The following UNC13A variants were observed in gnomAD, a reference collection of about 807,000 sequenced individuals.
The protein encoded by UNC13A is unc-13 homolog A, also known as protein unc-13 homolog A.
A neutral mutation model predicts 219.7 loss-of-function variants in UNC13A; 61 were observed. That is an observed-to-expected ratio of 0.28 (90% CI 0.23 to 0.34). UNC13A has a LOEUF of 0.34. Among genes scored for constraint, UNC13A ranks in the 10% least tolerant of loss-of-function variants. UNC13A has a pLI of 1.00. For synonymous variants in UNC13A, 920 were observed against 884.6 expected, an observed-to-expected ratio of 1.04 and a Z score of -0.71; for missense variants, 1,476 against 2,270.3, an observed-to-expected ratio of 0.65 and a Z score of 7.11.
At chr19:17,617,667 A>C (rs746758573) in intron 41 of UNC13A, 35 bp downstream of exon 41, 2 of 1,604,014 alleles carry the variant, frequency 1.2e-6, no homozygotes, top group Admixed American at 3.3e-5. Flanking sequence ...GTCTCCGCGG[A>C]GCGGGAAAGG....
intron 38 of UNC13A, among the ~76,000 whole-genome samples, chr19:17,620,153 G>C (rs956075250): frequency 3.3e-5 from 5 of 152,150 alleles, no homozygotes; most frequent in African/African-American, 1.2e-4. Flanking sequence ...GGCTAACAGG[G>C]ATACCCATGG....
At chr19:17,645,611 T>A in intron 19 of UNC13A, 63 bp downstream of exon 19, 1 of 1,599,348 alleles carries the variant, frequency 6.3e-7, no homozygotes, top group South Asian at 1.1e-5. Context: ...CTTCGTGGGC[T>A]CCATGCTCTG....
intron 7 of UNC13A, among the ~76,000 whole-genome samples, chr19:17,666,135 T>C (rs374102464): frequency 0.29 from 37,866 of 130,152 alleles, 5,914 homozygotes; most frequent in South Asian, 0.44. Context: ...TCTTTCTTTT[T>C]CTTTCTTTCT....
At chr19:17,646,905 C>T (rs1247974332) in intron 17 of UNC13A, among the ~76,000 whole-genome samples, 5 of 152,012 alleles carry the variant, frequency 3.3e-5, no homozygotes, top group Non-Finnish European at 7.4e-5. Flanking sequence ...CCCTTGCCCA[C>T]AGCATTGTCT....
intron 7 of UNC13A, among the ~76,000 whole-genome samples, chr19:17,666,361 C>T (rs1406785268): frequency 6.7e-6 from 1 of 148,482 alleles, no homozygotes; most frequent in Non-Finnish European, 1.5e-5. Context: ...TACAGGCACC[C>T]ACCACCATGC....
At position 17,680,723 on chromosome 19, in the gene UNC13A, T is replaced by C. The variant is rs550718584; in HGVS notation, c.23-4682A>G. Among the ~76,000 whole-genome samples, 110 of 152,048 alleles carry C rather than the reference T, an allele frequency of 7.2e-4. 1 individual carries two copies. The highest frequency in any genetic ancestry group is 2.4e-3 in the African/African-American group (99 of 41,514). ...CCTCACCCCTTCTGCAGAATGATTA[T>C]AGTGTCATTTATACTATTATTATTA... On this transcript the variant is annotated intron_variant, in intron 1 of 43. Transcript: ENST00000519716.
Position 17,606,096 on chromosome 19 carries a change from G to C in UNC13A, c.5070C>G (p.Asp1690Glu). Residue 1690 changes from aspartate (D) to glutamate (E), a missense_variant, in exon 44 of 44, where the codon GAC (aspartate) becomes GAG (glutamate). Coordinates refer to ENST00000519716, the MANE Select transcript of UNC13A (RefSeq NM_001080421.3). ...CACCGCCCTCCTCGGCGGAGCGCGTGTCCGACTTGAGCTTCACGAACTCCT... is the reference window on the plus strand; with the variant it reads ...CACCGCCCTCCTCGGCGGAGCGCGTCTCCGACTTGAGCTTCACGAACTCCT... ...VAKEFVKLKS[D>E]TRSAEEGGAA... 2 of 1,592,748 alleles carry C rather than the reference G, an allele frequency of 1.3e-6. No individual in the cohort carries two copies. Among genetic ancestry groups the C allele is most frequent in the South Asian group, 2.3e-5 (2 of 88,716 alleles).
intron 41 of UNC13A, among the ~76,000 whole-genome samples, chr19:17,615,279 T>A (rs2076650848): frequency 1.3e-5 from 2 of 151,576 alleles, no homozygotes; most frequent in South Asian, 4.2e-4. Flanking sequence ...AGGCCAGGAG[T>A]TCGAGACCAG....
chr19:17,672,346 C>T lies in UNC13A; in HGVS notation c.270+32G>A, dbSNP rs1016033130. On this transcript the variant is annotated intron_variant, in intron 4 of 43. Coordinates refer to ENST00000519716, the MANE Select transcript of UNC13A (RefSeq NM_001080421.3). ...CTCTGGGCTTCTGCAAGGCACTCCT[C>T]CTTCTTCACCCTCAGGCCACCCGCC... The T allele has an allele frequency of 5.0e-6, 8 of 1,587,398 alleles. No homozygotes were observed. In the African/African-American group the frequency reaches 1.1e-4, roughly 21 times the overall value.
chr19:17,633,485 T>C (rs1379403792), intron 26 of UNC13A, among the ~76,000 whole-genome samples: 1 of 152,094 alleles, frequency 6.6e-6, no homozygotes, highest in Non-Finnish European at 1.5e-5. Context: ...CATCCTTCCA[T>C]CCATTCATTC....
intron 2 of UNC13A, among the ~76,000 whole-genome samples, chr19:17,675,492 C>T (rs934527434): frequency 4.6e-5 from 7 of 150,678 alleles, no homozygotes; most frequent in African/African-American, 1.2e-4. Flanking sequence ...ATTAGCCGGG[C>T]GTGGTAGAGG....
intron 25 of UNC13A, 115 bp from the exon 26 acceptor site, chr19:17,636,272 G>A (rs2076912640): frequency 7.8e-7 from 1 of 1,276,772 alleles, no homozygotes; most frequent in Non-Finnish European, 1.0e-6. Context: ...TCATGTGTAT[G>A]GTTCAGGTAA....
At chr19:17,646,944 T>G (rs12986009) in intron 17 of UNC13A, among the ~76,000 whole-genome samples, 85,562 of 152,014 alleles carry the variant, frequency 0.56, 24,476 homozygotes, top group Middle Eastern at 0.64. Flanking sequence ...CAGGACTCCT[T>G]CCATCCCTGT....
At position 17,611,753 on chromosome 19, in the gene UNC13A, G is replaced by A; in HGVS notation, c.4651+10C>T. 6.2e-7 allele frequency: 1 copy of A among 1,613,424 alleles called. No individual in the cohort carries two copies. Among genetic ancestry groups the A allele is most frequent in the Non-Finnish European group, 8.5e-7 (1 of 1,179,388 alleles). On this transcript the variant is annotated intron_variant, in intron 42 of 43. Coordinates refer to ENST00000519716, the MANE Select transcript of UNC13A (RefSeq NM_001080421.3). ...AACCTAGCAAGTCCCTCCCACCTCAGACCACTCACCTTTCACTGTGACCTT... is the reference window on the plus strand; with the variant it reads ...AACCTAGCAAGTCCCTCCCACCTCAAACCACTCACCTTTCACTGTGACCTT...
At chr19:17,612,922 G>A (rs576442630) in intron 41 of UNC13A, among the ~76,000 whole-genome samples, 14 of 151,944 alleles carry the variant, frequency 9.2e-5, no homozygotes, top group East Asian at 1.9e-4. Flanking sequence ...TCCATGGGTC[G>A]GGCAGTGGTG....
intron 1 of UNC13A, among the ~76,000 whole-genome samples, chr19:17,687,400 A>G (rs1271096723): frequency 6.6e-6 from 1 of 152,226 alleles, no homozygotes. Context: ...TGCTCTTCCA[A>G]GAAGTAGGCT....
intron 4 of UNC13A, 29 bp downstream of exon 4, chr19:17,672,349 T>C (rs748376525): frequency 6.3e-7 from 1 of 1,595,646 alleles, no homozygotes; most frequent in East Asian, 2.2e-5. Flanking sequence ...CACTCCTCCT[T>C]CTTCACCCTC....
chr19:17,653,684 G>A (rs2079394723), intron 11 of UNC13A, among the ~76,000 whole-genome samples: 1 of 151,702 alleles, frequency 6.6e-6, no homozygotes, highest in African/African-American at 2.4e-5. Flanking sequence ...TTAGAGATGA[G>A]GTCTCACTAC....
At position 17,632,816 on chromosome 19, in the gene UNC13A, G is replaced by A; in HGVS notation, c.3394C>T (p.Pro1132Ser). Reference sequence around the variant, plus strand: ...TCAGGCACGCGGTCCTTGAAGGCGGGAAGTTCCGTCACATACTCATTGTAG... The same window carrying A: ...TCAGGCACGCGGTCCTTGAAGGCGGAAAGTTCCGTCACATACTCATTGTAG... ...WLYNEYVTEL[P>S]AFKDRVPEYP... The change falls in exon 28 of 44, where the codon CCC becomes TCC. Residue 1132 changes from proline to serine, a missense_variant. By Grantham distance (74) the Pro-to-Ser change is moderately conservative. This residue lies in a region of UNC13A where 218 missense variants were observed against 409.4 expected (regional missense o/e 0.53). Transcript: ENST00000519716. The A allele has an allele frequency of 1.9e-6, 3 of 1,613,970 alleles. No homozygotes were observed. Among genetic ancestry groups the A allele is most frequent in the Non-Finnish European group, 2.5e-6 (3 of 1,179,896 alleles).
Sources: gnomAD v4.1 joint callset for allele counts (sites outside exome capture counted in the v4.1 genomes callset) on GRCh38, gnomAD v4.1.1 for gene constraint, gnomAD v4.1.1 regional missense constraint, MANE v1.5 for transcripts, NCBI Gene and HGNC (gene_info 2026-07-23, HGNC 2026-07-21) for gene names.